Variants in SH3BP5 observed in about 807,000 individuals in gnomAD.
SH3BP5 encodes SH3 domain-binding protein 5.
In SH3BP5, 22 loss-of-function variants were observed where a neutral mutation model predicts 43.3. The ratio of observed to expected loss-of-function variants is 0.51; its 90% CI spans 0.36 to 0.73. SH3BP5 has a LOEUF of 0.73. Among genes scored for constraint, SH3BP5 ranks in the 30% least tolerant of loss-of-function variants. The pLI, the probability that SH3BP5 is intolerant of heterozygous loss-of-function variation, is 0.00. For synonymous variants in SH3BP5, 255 were observed against 225.8 expected, an observed-to-expected ratio of 1.13 and a Z score of -1.16; for missense variants, 529 against 586.9, an observed-to-expected ratio of 0.90 and a Z score of 1.02.
At chr3:15,311,431 G>A (rs146800821) in intron 2 of SH3BP5, among the ~76,000 whole-genome samples, 3 of 152,162 alleles carry the variant, frequency 2.0e-5, no homozygotes, top group East Asian at 1.9e-4. Context: ...GGCATGGTAG[G>A]TGCCTGTAAT....
chr3:15,327,066 G>A (rs1193521241), intron 2 of SH3BP5, among the ~76,000 whole-genome samples: 1 of 152,062 alleles, frequency 6.6e-6, no homozygotes, highest in Admixed American at 6.6e-5. Context: ...TGGAATACAA[G>A]TACCACAAAA....
chr3:15,311,072 A>C (rs1698044629), intron 2 of SH3BP5, among the ~76,000 whole-genome samples: 2 of 152,208 alleles, frequency 1.3e-5, no homozygotes, highest in African/African-American at 4.8e-5. Context: ...ATTAAGTGAG[A>C]TAAAGATGGG....
In SH3BP5 at chr3:15,277,216, C is replaced by T. The variant is rs570589835; in HGVS notation, c.331-7339G>A. 3.2e-4 allele frequency among the ~76,000 whole-genome samples: 48 copies of T among 152,316 alleles called. 1 individual carries two copies. The highest frequency in any genetic ancestry group is 1.1e-3 in the African/African-American group (47 of 41,568). On this transcript the variant is annotated intron_variant, in intron 3 of 8. Transcript: ENST00000383791. ...TGAACTCCTGACCTTAGGTGATCCG[C>T]CTGCCTCAGCCTCCCAAAGTGCTGG...
At position 15,262,216 on chromosome 3, in the gene SH3BP5, G is replaced by A. The variant is rs367738749; in HGVS notation, c.569C>T (p.Ala190Val). 1.0e-4 allele frequency: 164 copies of A among 1,614,164 alleles called. No individual in the cohort carries two copies. The highest frequency in any genetic ancestry group is 5.6e-4 in the South Asian group (51 of 91,084). Residue 190 changes from alanine to valine, a missense_variant, in exon 5 of 9, where the codon GCC becomes GTC. By Grantham distance (64) the Ala-to-Val change is moderately conservative. Coordinates refer to ENST00000383791, the MANE Select transcript of SH3BP5 (RefSeq NM_004844.5). ...CTCCAGCTGTCGCATGCGGCCCATG[G>A]CGGCATTGTACCTGGCTGCCGTCTC... ...HKETAARYNA[A>V]MGRMRQLEKK...
chr3:15,312,077 T>C (rs1293666639), intron 2 of SH3BP5, among the ~76,000 whole-genome samples: 1 of 152,148 alleles, frequency 6.6e-6, no homozygotes, highest in East Asian at 1.9e-4. Context: ...GGAAACCTTT[T>C]CAAGGAGTCT....
rs760821712 is a variant in SH3BP5 at position 15,259,746 on chromosome 3, C to G, written c.669+15G>C. On this transcript the variant is annotated intron_variant, in intron 6 of 8. Coordinates refer to ENST00000383791, the MANE Select transcript of SH3BP5 (RefSeq NM_004844.5). Reference sequence around the variant, plus strand: ...GAAAAATCTCATCAGTGACGAAGCCCAAAGCTACACATACCTCGAGCTGCA... The same window carrying G: ...GAAAAATCTCATCAGTGACGAAGCCGAAAGCTACACATACCTCGAGCTGCA... The G allele has an allele frequency of 1.2e-6, 2 of 1,613,772 alleles. No homozygotes were observed. The highest frequency in any genetic ancestry group is 3.3e-5 in the Admixed American group (2 of 60,000).
chr3:15,324,822 CAG>C (rs972834206), intron 2 of SH3BP5, among the ~76,000 whole-genome samples: 3 of 88,872 alleles, frequency 3.4e-5, no homozygotes. Flanking sequence ...AAGCTCAAAA[CAG>C]AGTTTTTGTT....
In SH3BP5 at chr3:15,302,641, C is replaced by T. The variant is rs138709243; in HGVS notation, c.330+1462G>A. Among the ~76,000 whole-genome samples, 850 of 152,134 alleles carry T rather than the reference C, an allele frequency of 5.6e-3. 5 individuals are homozygous for T. The highest frequency in any genetic ancestry group is 7.4e-3 in the Non-Finnish European group (501 of 67,990). On this transcript the variant is annotated intron_variant, in intron 3 of 8. Transcript: ENST00000383791. ...GGAAAAAGAAGAGGAATGGTTAAGT[C>T]CTGGCCCTCATTCTCTATGGGTCTA...
chr3:15,271,286 G>A (rs949792578), intron 3 of SH3BP5, among the ~76,000 whole-genome samples: 13 of 152,052 alleles, frequency 8.5e-5, no homozygotes, highest in South Asian at 2.1e-4. Flanking sequence ...CTTGAGGCAG[G>A]AGACCGCTTG....
intron 2 of SH3BP5, among the ~76,000 whole-genome samples, chr3:15,324,293 G>A (rs909759014): frequency 2.0e-5 from 3 of 152,072 alleles, no homozygotes; most frequent in African/African-American, 7.2e-5. Context: ...CCTCTCAAAG[G>A]GCCCTGAGTG....
In SH3BP5 at chr3:15,337,798, C is replaced by G. The variant is rs559388356; in HGVS notation, c.-402+3425G>C. Among the ~76,000 whole-genome samples the G allele has an allele frequency of 2.0e-5, 3 of 150,790 alleles. No individual in the cohort carries two copies. The East Asian group carries it at 5.9e-4, about 30-fold the overall frequency. ...AGTGTGGTGGTGTGTACCTATAGTCCTAACTACCCAGGAGGGTGAGGCAGG... is the reference window on the plus strand; with the variant it reads ...AGTGTGGTGGTGTGTACCTATAGTCGTAACTACCCAGGAGGGTGAGGCAGG... On this transcript the variant is annotated intron_variant, in intron 1 of 8. Transcript: ENST00000408919.
chr3:15,312,146 G>A lies in SH3BP5; in HGVS notation c.202-7915C>T, dbSNP rs191538622. 1.3e-4 allele frequency among the ~76,000 whole-genome samples: 20 copies of A among 152,280 alleles called. No individual in the cohort carries two copies. The East Asian group carries it at 2.9e-3, about 22-fold the overall frequency. ...TGCCATTTTCACTGTCATTCTGAGCGTTCAGTAGAGTTTTCCAGAAGCTAC... is the reference window on the plus strand; with the variant it reads ...TGCCATTTTCACTGTCATTCTGAGCATTCAGTAGAGTTTTCCAGAAGCTAC... On this transcript the variant is annotated intron_variant, in intron 2 of 8. Coordinates refer to ENST00000383791, the MANE Select transcript of SH3BP5 (RefSeq NM_004844.5).
intron 3 of SH3BP5, among the ~76,000 whole-genome samples, chr3:15,303,826 C>T (rs762654060): frequency 1.2e-4 from 18 of 152,216 alleles, no homozygotes; most frequent in African/African-American, 3.9e-4. Flanking sequence ...TCATTAGGAG[C>T]GGAGGAGGAA....
intron 2 of SH3BP5, among the ~76,000 whole-genome samples, chr3:15,322,696 G>A (rs756187975): frequency 6.6e-6 from 1 of 152,102 alleles, no homozygotes; most frequent in Non-Finnish European, 1.5e-5. Context: ...TTAGCCAGGC[G>A]TGGTGGCGCA....
At chr3:15,337,501 C>G (rs1365823863), upstream of SH3BP5, among the ~76,000 whole-genome samples, 1 of 152,112 alleles carries the variant, frequency 6.6e-6, no homozygotes, top group Admixed American at 6.6e-5. Context: ...AACATTAATT[C>G]AGTACACTTT....
chr3:15,310,955 A>G (rs1379299766), intron 2 of SH3BP5, among the ~76,000 whole-genome samples: 2 of 152,202 alleles, frequency 1.3e-5, no homozygotes, highest in East Asian at 3.9e-4. Flanking sequence ...AACATGAAGC[A>G]CACAGGATGA....
At position 15,256,014 on chromosome 3, in the gene SH3BP5, G is replaced by C; in HGVS notation, c.*72C>G. On this transcript the variant is annotated 3_prime_UTR_variant, in exon 9 of 9. Transcript: ENST00000383791. ...GTGTAAGATTTGGCATATATTAAAT[G>C]ATTATTGGCACAATGTTCTCCAGTT... The C allele has an allele frequency of 4.0e-6, 5 of 1,246,954 alleles. No homozygotes were observed. Among genetic ancestry groups the C allele is most frequent in the Admixed American group, 1.9e-5 (1 of 51,948 alleles). The allele number at this position is 1,246,954 out of a possible 1,614,324, so 77.2% of individuals were successfully genotyped here.
At chr3:15,277,003 T>G (rs542057725) in intron 3 of SH3BP5, among the ~76,000 whole-genome samples, 2 of 151,896 alleles carry the variant, frequency 1.3e-5, no homozygotes, top group Non-Finnish European at 2.9e-5. Flanking sequence ...CAGGCTGGAG[T>G]GCAATGGTGC....
At chr3:15,300,011 A>AC (rs904655960) in intron 3 of SH3BP5, among the ~76,000 whole-genome samples, 18 of 152,078 alleles carry the variant, frequency 1.2e-4, no homozygotes, top group South Asian at 2.1e-4. Context: ...ATGCTCCATC[A>AC]CCCCCCCAAA....
Sources: allele counts gnomAD v4.1 joint callset (sites outside exome capture counted in the v4.1 genomes callset), GRCh38; gene constraint gnomAD v4.1.1; transcripts MANE v1.5; gene names NCBI Gene and HGNC (gene_info 2026-07-23, HGNC 2026-07-21).